The following RNF182 variants were observed in gnomAD, a reference collection of about 807,000 sequenced individuals.
RNF182 encodes E3 ubiquitin-protein ligase RNF182.
RNF182 carries 15 observed loss-of-function variants against 14.4 expected under a neutral mutation model. That is an observed-to-expected ratio of 1.04 (90% CI 0.70 to 1.60). The LOEUF is 1.60. Among genes scored for constraint, RNF182 ranks in the 40% most tolerant of loss-of-function variants. The pLI is 0.00. For missense variants in RNF182, 268 were observed against 294.8 expected (o/e 0.91, Z 0.67); for synonymous variants, 128 against 122.9 (o/e 1.04, Z -0.27).
At chr6:13,949,017 C>T (rs1759514541) in intron 1 of RNF182, 4 of 481,876 alleles carry the variant, frequency 8.3e-6, no homozygotes, top group African/African-American at 2.0e-5. Flanking sequence ...AAAATCTACT[C>T]ACTCCTAATC....
At position 13,979,299 on chromosome 6, in the gene RNF182, AC is replaced by A. The variant is rs1302214398; in HGVS notation, c.*1437del. On this transcript the variant is annotated 3_prime_UTR_variant, in exon 3 of 3. Coordinates refer to ENST00000488300, the MANE Select transcript of RNF182 (RefSeq NM_152737.4). ...AGAAACTAGGCAAAAATTTAAAAAA[AC>A]ATTCTAGTCTCTAAAACCCATTACT... 1 of 166,510 alleles carries A rather than the reference AC, an allele frequency of 6.0e-6. No individual in the cohort carries two copies. Among genetic ancestry groups the A allele is most frequent in the Non-Finnish European group, 1.5e-5 (1 of 68,122 alleles). 10.3% of individuals were successfully genotyped at this position (166,510 alleles called of 1,614,324 possible).
intron 1 of RNF182, among the ~76,000 whole-genome samples, chr6:13,957,527 C>A (rs1299952529): frequency 6.6e-6 from 1 of 152,108 alleles, no homozygotes; most frequent in Non-Finnish European, 1.5e-5. Flanking sequence ...TTTGCTGAGT[C>A]CGAGTACGGT....
intron 1 of RNF182, among the ~76,000 whole-genome samples, chr6:13,938,492 CT>C (rs1305565422): frequency 6.6e-6 from 1 of 151,874 alleles, no homozygotes; most frequent in Non-Finnish European, 1.5e-5. Context: ...AATGTTAGTG[CT>C]TTTTGTGTCT....
rs765863960 is a variant in RNF182, at chr6:13,977,422, G to A, written c.303G>A (p.Leu101=). 6.2e-7 allele frequency: 1 copy of A among 1,614,148 alleles called. No homozygotes were observed. Among genetic ancestry groups the A allele is most frequent in the Middle Eastern group, 1.6e-4 (1 of 6,062 alleles). Residue 101 remains leucine, a synonymous_variant, in exon 3 of 3, where the codon CTG becomes CTA. Coordinates refer to ENST00000488300, the MANE Select transcript of RNF182 (RefSeq NM_152737.4). ...LTCGGKGKKC[L]PENPTELLLT... ...GTGGAGGCAAAGGGAAGAAGTGCCT[G>A]CCAGAGAACCCTACTGAGCTGCTGC...
chr6:13,962,414 A>G (rs575001414), intron 1 of RNF182, among the ~76,000 whole-genome samples: 5 of 152,364 alleles, frequency 3.3e-5, no homozygotes, highest in African/African-American at 1.2e-4. Context: ...AAATGATGCT[A>G]CAAGTGCTAG....
chr6:13,958,704 TG>T (rs1373716859), intron 1 of RNF182, among the ~76,000 whole-genome samples: 1 of 152,204 alleles, frequency 6.6e-6, no homozygotes, highest in East Asian at 1.9e-4. Context: ...TAAGTTAAAT[TG>T]GGCTTCTTGA....
At chr6:13,960,662 T>A (rs904379629) in intron 1 of RNF182, among the ~76,000 whole-genome samples, 210 of 89,370 alleles carry the variant, frequency 2.3e-3, no homozygotes, top group Middle Eastern at 0.023. Flanking sequence ...AGAGAGTGTG[T>A]GTGTGTGTGT....
intron 1 of RNF182, among the ~76,000 whole-genome samples, chr6:13,967,153 C>T (rs575815214): frequency 6.6e-6 from 1 of 152,140 alleles, no homozygotes; most frequent in East Asian, 1.9e-4. Flanking sequence ...TTATAAGAAA[C>T]ATTCGAGATA....
intron 1 of RNF182, among the ~76,000 whole-genome samples, chr6:13,948,420 A>T (rs1159803063): frequency 6.6e-6 from 1 of 152,190 alleles, no homozygotes; most frequent in East Asian, 1.9e-4. Context: ...TATTAATGAT[A>T]ACATATACTA....
chr6:13,966,782 CAAAA>C (rs1296275211), intron 1 of RNF182, among the ~76,000 whole-genome samples: 1 of 144,792 alleles, frequency 6.9e-6, no homozygotes, highest in African/African-American at 2.5e-5. Context: ...ACCCCCCCAC[CAAAA>C]AAAAGTAAAA....
intron 1 of RNF182, among the ~76,000 whole-genome samples, chr6:13,943,156 T>A (rs1296785724): frequency 1.3e-5 from 2 of 152,240 alleles, no homozygotes; most frequent in African/African-American, 2.4e-5. Flanking sequence ...TATAAAGTAC[T>A]GTTAATGTAT....
intron 1 of RNF182, among the ~76,000 whole-genome samples, chr6:13,970,048 A>G (rs548510196): frequency 6.6e-6 from 1 of 152,304 alleles, no homozygotes; most frequent in African/African-American, 2.4e-5. Flanking sequence ...TAATTTACAT[A>G]TTTATGGGGT....
chr6:13,965,843 C>T (rs1301881052), intron 1 of RNF182, among the ~76,000 whole-genome samples: 2 of 152,066 alleles, frequency 1.3e-5, no homozygotes, highest in East Asian at 1.9e-4. Context: ...AGACTAAAAC[C>T]GAGGGCTTAT....
At chr6:13,941,338 A>G (rs1447157624) in intron 1 of RNF182, among the ~76,000 whole-genome samples, 1 of 152,090 alleles carries the variant, frequency 6.6e-6, no homozygotes, top group Non-Finnish European at 1.5e-5. Flanking sequence ...CTTACTGTCT[A>G]CAGGTCTTAT....
intron 1 of RNF182, among the ~76,000 whole-genome samples, chr6:13,970,333 C>T (rs1239570520): frequency 6.6e-6 from 1 of 152,148 alleles, no homozygotes. Context: ...TTTTAGCTCC[C>T]ATATGAGTGA....
intron 1 of RNF182, among the ~76,000 whole-genome samples, chr6:13,929,695 TA>T (rs1758918095): frequency 6.6e-6 from 1 of 152,214 alleles, no homozygotes; most frequent in South Asian, 2.1e-4. Flanking sequence ...AGGAAACTAA[TA>T]TGATCACTTT....
rs764763741 is a variant in RNF182, at chr6:13,977,484, C to A, written c.365C>A (p.Ser122Tyr). The change falls in exon 3 of 3, where the codon TCT (serine) becomes TAT (tyrosine). Residue 122 changes from serine to tyrosine, a missense_variant. By Grantham distance (144) the Ser-to-Tyr change is moderately radical. Coordinates refer to ENST00000488300, the MANE Select transcript of RNF182 (RefSeq NM_152737.4). ...PKRLASLVSPSHTSSNCLVIT... is the reference protein window; with the variant it reads ...PKRLASLVSPYHTSSNCLVIT... Reference sequence around the variant, plus strand: ...AGGCTGGCCTCTCTGGTCAGTCCTTCTCACACGTCCTCCAACTGCCTGGTC... The same window carrying A: ...AGGCTGGCCTCTCTGGTCAGTCCTTATCACACGTCCTCCAACTGCCTGGTC... The A allele has an allele frequency of 1.2e-6, 2 of 1,614,188 alleles. No homozygotes were observed. Among genetic ancestry groups the A allele is most frequent in the Non-Finnish European group, 1.7e-6 (2 of 1,180,028 alleles).
chr6:13,966,689 C>T (rs1031343234), intron 1 of RNF182, among the ~76,000 whole-genome samples: 8 of 152,078 alleles, frequency 5.3e-5, no homozygotes, highest in Admixed American at 2.0e-4. Context: ...CTTGACCCCG[C>T]GGGGTGGAGG....
intron 1 of RNF182, among the ~76,000 whole-genome samples, chr6:13,935,962 A>T (rs1210176166): frequency 6.6e-6 from 1 of 152,248 alleles, no homozygotes. Flanking sequence ...TACAGGAAGC[A>T]TGGTTGGGGA....
Sources: gnomAD v4.1 joint callset for allele counts (sites outside exome capture counted in the v4.1 genomes callset) on GRCh38, gnomAD v4.1.1 for gene constraint, MANE v1.5 for transcripts, NCBI Gene and HGNC (gene_info 2026-07-23, HGNC 2026-07-21) for gene names.